Variants in PRX observed in about 807,000 individuals in gnomAD.
PRX encodes periaxin.
A neutral mutation model predicts 29.6 loss-of-function variants in PRX; 24 were observed. That is an observed-to-expected ratio of 0.81 (90% CI 0.59 to 1.14). PRX has a LOEUF of 1.14. PRX is among the 50% of genes most tolerant of loss of function. PRX has a pLI of 0.00. For synonymous variants in PRX, 772 were observed against 831.7 expected (o/e 0.93, Z 1.24); for missense variants, 1,838 against 1,926.4 (o/e 0.95, Z 0.86).
rs1340284130 is a variant in PRX at position 40,398,827 on chromosome 19, G to T, written c.185-11C>A. On this transcript the variant is annotated splice_polypyrimidine_tract_variant and intron_variant, in intron 5 of 6. Coordinates refer to ENST00000324001, the MANE Select transcript of PRX (RefSeq NM_181882.3). The surrounding 1 kb of genome is among the most constrained non-coding windows in gnomAD (Gnocchi z 6.3). ...TCAGCAGCTGGTCCCCTGCGGGCGA[G>T]GTGGAGGTGCGCAGCACGTGGGCAT... 11 of 1,613,956 alleles carry T rather than the reference G, an allele frequency of 6.8e-6. No homozygotes were observed. Among genetic ancestry groups the T allele is most frequent in the Non-Finnish European group, 9.3e-6 (11 of 1,179,946 alleles).
rs2079450757 is a variant in PRX, at chr19:40,397,402, C to T, written c.950G>A (p.Gly317Glu). Reference sequence around the variant, plus strand: ...GGTGGGCACCACTACCGACACAGCCCCTTCCCGGGTCTCTAGGCAGGGAAG... The same window carrying T: ...GGTGGGCACCACTACCGACACAGCCTCTTCCCGGGTCTCTAGGCAGGGAAG... ...PTLPCLETRE[G>E]AVSVVVPTLD... Residue 317 changes from glycine (G) to glutamate (E), a missense_variant, in exon 7 of 7, where the codon GGG (glycine) becomes GAG (glutamate). By Grantham distance (98) the Gly-to-Glu change is moderately conservative. Transcript: ENST00000324001. 2 of 1,611,330 alleles carry T rather than the reference C, an allele frequency of 1.2e-6. No individual in the cohort carries two copies. The highest frequency in any genetic ancestry group is 1.3e-5 in the African/African-American group (1 of 74,854).
chr19:40,395,996 C>A lies in PRX; in HGVS notation c.2356G>T (p.Ala786Ser). 1 of 1,614,046 alleles carries A rather than the reference C, an allele frequency of 6.2e-7. No individual in the cohort carries two copies. The highest frequency in any genetic ancestry group is 1.1e-5 in the South Asian group (1 of 91,088). Residue 786 changes from alanine (A) to serine (S), a missense_variant, in exon 7 of 7, where the codon GCC becomes TCC. This residue lies in a region of PRX where 1,143 missense variants were observed against 1,193.0 expected (regional missense o/e 0.96). Coordinates refer to ENST00000324001, the MANE Select transcript of PRX (RefSeq NM_181882.3). ...LPRAPEVQLK[A>S]TKAEQAEGME... ...CCTTCTGCCTGTTCTGCCTTGGTGGCCTTTAGCTGCACCTCCGGAGCCCTG... is the reference window on the plus strand; with the variant it reads ...CCTTCTGCCTGTTCTGCCTTGGTGGACTTTAGCTGCACCTCCGGAGCCCTG...
At chr19:40,408,603 C>A (rs2079543391) in intron 1 of PRX, among the ~76,000 whole-genome samples, 1 of 152,206 alleles carries the variant, frequency 6.6e-6, no homozygotes. Flanking sequence ...TGCCAAAGAT[C>A]TTGGCCAACT....
At position 40,398,769 on chromosome 19, in the gene PRX, C is replaced by T; in HGVS notation, c.232G>A (p.Glu78Lys). 6.2e-7 allele frequency: 1 copy of T among 1,614,086 alleles called. No homozygotes were observed. Among genetic ancestry groups the T allele is most frequent in the Non-Finnish European group, 8.5e-7 (1 of 1,179,978 alleles). ...ARVFFENFKYEDALRLLQCAE... is the reference protein window; with the variant it reads ...ARVFFENFKYKDALRLLQCAE... ...CATTGCAGCAGGCGTAGTGCGTCCTCGTACTTGAAGTTCTCGAAGAACACT... is the reference window on the plus strand; with the variant it reads ...CATTGCAGCAGGCGTAGTGCGTCCTTGTACTTGAAGTTCTCGAAGAACACT... The change falls in exon 6 of 7, where the codon GAG (glutamate) becomes AAG (lysine). Residue 78 changes from glutamate (E) to lysine (K), a missense_variant. Physicochemically the swap from Glu to Lys is moderately conservative, Grantham distance 56 (BLOSUM62 1). Coordinates refer to ENST00000324001, the MANE Select transcript of PRX (RefSeq NM_181882.3). The surrounding 1 kb of genome is among the most constrained non-coding windows in gnomAD (Gnocchi z 6.3).
chr19:40,413,349 C>T lies in PRX; in HGVS notation c.-254G>A, dbSNP rs1321388070. ...GGCTGATCTCTTACCGCTGAGCCTC[C>T]AGACACCTCGAGAGCTCCTGGTCCC... On this transcript the variant is annotated 5_prime_UTR_variant, in exon 1 of 7. Transcript: ENST00000324001. 1 of 152,308 alleles carries T rather than the reference C, an allele frequency of 6.6e-6. No homozygotes were observed. The highest frequency in any genetic ancestry group is 2.4e-5 in the African/African-American group (1 of 41,420). The allele number at this position is 152,308 out of a possible 1,614,324, so 9.4% of individuals were successfully genotyped here.
intron 5 of PRX, among the ~76,000 whole-genome samples, chr19:40,402,222 C>T (rs1312121991): frequency 1.3e-5 from 2 of 150,746 alleles, no homozygotes; most frequent in Non-Finnish European, 3.0e-5. Flanking sequence ...GGCATGGTGG[C>T]GGGTGCCTGT....
rs1021014956 is a variant in PRX at position 40,398,932 on chromosome 19, T to C, written c.185-116A>G. ...AGGACCCGCCCCAAATTTTAGTTTC[T>C]CCAATCCCCAGCGCAGGATTAAGTC... On this transcript the variant is annotated intron_variant, in intron 5 of 6. Transcript: ENST00000324001. The surrounding 1 kb of genome is among the most constrained non-coding windows in gnomAD (Gnocchi z 6.3). 6.5e-7 allele frequency: 1 copy of C among 1,547,786 alleles called. No individual in the cohort carries two copies. Among genetic ancestry groups the C allele is most frequent in the Non-Finnish European group, 8.7e-7 (1 of 1,147,180 alleles).
At chr19:40,403,177 C>T (rs756612284) in intron 5 of PRX, among the ~76,000 whole-genome samples, 36 of 152,162 alleles carry the variant, frequency 2.4e-4, no homozygotes, top group Non-Finnish European at 4.9e-4. Context: ...TATCAAAATA[C>T]ATAAATAAAT....
Position 40,397,435 on chromosome 19 carries a change from A to G in PRX, c.917T>C (p.Leu306Pro), listed in dbSNP as rs756803817. 3.7e-6 allele frequency: 6 copies of G among 1,600,360 alleles called. No individual in the cohort carries two copies. The African/African-American group carries it at 6.7e-5, about 18-fold the overall frequency. ...GGTCTCTAGGCAGGGAAGTGTGGGCAGAGTGGGCAGTGAGGGCAAGGCAGG... is the reference window on the plus strand; with the variant it reads ...GGTCTCTAGGCAGGGAAGTGTGGGCGGAGTGGGCAGTGAGGGCAAGGCAGG... ...ELPALPSLPT[L>P]PTLPCLETRE... The change falls in exon 7 of 7, where the codon CTG becomes CCG. Residue 306 changes from leucine to proline, a missense_variant. Transcript: ENST00000324001.
Position 40,398,878 on chromosome 19 carries a change from C to G in PRX, c.185-62G>C. On this transcript the variant is annotated intron_variant, in intron 5 of 6. Transcript: ENST00000324001. The surrounding 1 kb of genome is among the most constrained non-coding windows in gnomAD (Gnocchi z 6.3). ...CTCCCGGCTCCGCCCGGGCCTAGTT[C>G]TGCCCACTTGCACGGAGCCCTCGCG... 1 of 1,611,188 alleles carries G rather than the reference C, an allele frequency of 6.2e-7. No homozygotes were observed. The highest frequency in any genetic ancestry group is 8.5e-7 in the Non-Finnish European group (1 of 1,179,002).
rs1295970375 is a variant in PRX, at chr19:40,396,096, C to G, written c.2256G>C (p.Glu752Asp). The change falls in exon 7 of 7, where the codon GAG (glutamate) becomes GAC (aspartate). Residue 752 changes from glutamate (E) to aspartate (D), a missense_variant. By Grantham distance (45) the Glu-to-Asp change is conservative. This residue lies in a region of PRX where 1,143 missense variants were observed against 1,193.0 expected (regional missense o/e 0.96). Transcript: ENST00000324001. ...LPEVQLPKVSEIRLPEMQVPK... is the reference protein window; with the variant it reads ...LPEVQLPKVSDIRLPEMQVPK... ...GCACTTGCATTTCCGGCAGCCGAAT[C>G]TCTGACACTTTCGGCAGCTGCACCT... 1.2e-6 allele frequency: 2 copies of G among 1,614,242 alleles called. No homozygotes were observed. Among genetic ancestry groups the G allele is most frequent in the Non-Finnish European group, 1.7e-6 (2 of 1,180,048 alleles).
In PRX at chr19:40,394,518, G is replaced by A. The variant is rs768961174; in HGVS notation, c.3834C>T (p.Asp1278=). 1.1e-5 allele frequency: 18 copies of A among 1,600,292 alleles called. No homozygotes were observed. The highest frequency in any genetic ancestry group is 1.6e-4 in the Middle Eastern group (1 of 6,068). ...TGCCCCCGGATGGCGAGAGCTCCAC[G>A]TCGGGCAGTGAGAGGCAGAAGGTAC... ...AERTFCLSLP[D]VELSPSGGNH... The change falls in exon 7 of 7, where the codon GAC becomes GAT. Residue 1278 remains aspartate, a synonymous_variant. Coordinates refer to ENST00000324001, the MANE Select transcript of PRX (RefSeq NM_181882.3). This position sits in a 1 kb window ranked among gnomAD's most constrained non-coding sequence, Gnocchi z 5.8.
intron 4 of PRX, among the ~76,000 whole-genome samples, chr19:40,407,212 T>TTTGTGTGTG (rs372328171): frequency 3.0e-5 from 4 of 133,844 alleles, no homozygotes; most frequent in African/African-American, 1.1e-4. Flanking sequence ...TTATATGCCC[T>TTTGTGTGTG]TGTGTGTGTG....
Position 40,397,876 on chromosome 19 carries a change from G to C in PRX, c.476C>G (p.Ser159Cys), listed in dbSNP as rs1159970436. 2 of 1,610,446 alleles carry C rather than the reference G, an allele frequency of 1.2e-6. No individual in the cohort carries two copies. The highest frequency in any genetic ancestry group is 2.7e-5 in the African/African-American group (2 of 74,930). Residue 159 changes from serine (S) to cysteine (C), a missense_variant, in exon 7 of 7, where the codon TCC (serine) becomes TGC (cysteine). By Grantham distance (112) the Ser-to-Cys change is moderately radical. Transcript: ENST00000324001. ...ADLAPVDVEF[S>C]FPKFSRLRRG... ...ACGCAGGCGGGAGAACTTGGGAAAGGAGAACTCGACGTCAACAGGGGCCAG... is the reference window on the plus strand; with the variant it reads ...ACGCAGGCGGGAGAACTTGGGAAAGCAGAACTCGACGTCAACAGGGGCCAG...
At chr19:40,402,585 C>T (rs2079502911) in intron 5 of PRX, among the ~76,000 whole-genome samples, 1 of 149,754 alleles carries the variant, frequency 6.7e-6, no homozygotes, top group South Asian at 2.1e-4. Flanking sequence ...TCCTGGCTAA[C>T]ACGGTGAAAC....
chr19:40,409,567 G>C (rs1167770361), intron 1 of PRX, among the ~76,000 whole-genome samples: 1 of 151,582 alleles, frequency 6.6e-6, no homozygotes, highest in Non-Finnish European at 1.5e-5. Context: ...CTGCCTCCTG[G>C]GTTCAAGTGA....
chr19:40,404,477 G>C (rs2079519338), intron 4 of PRX, among the ~76,000 whole-genome samples: 2 of 152,032 alleles, frequency 1.3e-5, no homozygotes, highest in South Asian at 4.1e-4. Context: ...CTGAGAGGAA[G>C]AGCCAAATGG....
At chr19:40,412,188 G>A (rs1472003748) in intron 1 of PRX, among the ~76,000 whole-genome samples, 1 of 152,160 alleles carries the variant, frequency 6.6e-6, no homozygotes, top group African/African-American at 2.4e-5. Flanking sequence ...CGCCACCAGC[G>A]TGATCTCTCA....
rs568441951 is a variant in PRX, at chr19:40,404,150, T to C, written c.28-288A>G. Among the ~76,000 whole-genome samples the C allele has an allele frequency of 1.3e-4, 20 of 152,296 alleles. No homozygotes were observed. The East Asian group carries it at 3.3e-3, about 25-fold the overall frequency. The stretch of plus-strand genomic sequence containing the variant: ...CTTCAGGGCACACGCCCCTCGGCGC[T>C]GCCCTCGCAGGACGTCGGGGCACAC... On this transcript the variant is annotated intron_variant, in intron 4 of 6. Transcript: ENST00000324001.
Sources: allele counts gnomAD v4.1 joint callset (sites outside exome capture counted in the v4.1 genomes callset), GRCh38; gene constraint gnomAD v4.1.1; regional missense constraint gnomAD v4.1.1; non-coding constraint Gnocchi (gnomAD v3.1); transcripts MANE v1.5; gene names NCBI Gene and HGNC (gene_info 2026-07-23, HGNC 2026-07-21).